The following SMARCA5 variants were observed in gnomAD, a reference collection of about 807,000 sequenced individuals.
The protein encoded by SMARCA5 is SNF2 related chromatin remodeling ATPase 5.
SMARCA5 carries 18 observed loss-of-function variants against 140.4 expected under a neutral mutation model. The observed-to-expected ratio is 0.13, with a 90% CI of 0.09 to 0.19. The LOEUF (loss-of-function observed/expected upper bound fraction) is 0.19, where lower values mean the gene tolerates loss of function less well. Among genes scored for constraint, SMARCA5 ranks in the 10% least tolerant of loss-of-function variants. The pLI is 1.00. For missense variants in SMARCA5, 606 were observed against 1,276.8 expected (o/e 0.47, Z 8.01); for synonymous variants, 449 against 419.6 (o/e 1.07, Z -0.86).
At chr4:143,538,472 C>A in intron 11 of SMARCA5, 118 bp from the exon 12 acceptor site, 1 of 787,624 alleles carries the variant, frequency 1.3e-6, no homozygotes, top group Non-Finnish European at 2.0e-6. Flanking sequence ...TTTTTTCCCC[C>A]TTGTAACCAA....
chr4:143,519,859 T>G (rs371360804), intron 2 of SMARCA5, among the ~76,000 whole-genome samples: 20 of 152,268 alleles, frequency 1.3e-4, no homozygotes, highest in African/African-American at 2.4e-4. Context: ...TGATCAGTCT[T>G]TCTTCTCCAT....
chr4:143,536,881 A>G (rs2149822026), intron 11 of SMARCA5, among the ~76,000 whole-genome samples: 1 of 152,266 alleles, frequency 6.6e-6, no homozygotes, highest in South Asian at 2.1e-4. Flanking sequence ...CAATAGTTAG[A>G]GCAACCATAC....
At chr4:143,532,542 T>G (rs1166381128) in intron 9 of SMARCA5, among the ~76,000 whole-genome samples, 1 of 152,202 alleles carries the variant, frequency 6.6e-6, no homozygotes, top group East Asian at 1.9e-4. Context: ...TGCTCTTTAC[T>G]TTGAAGTTTC....
chr4:143,549,952 A>G (rs1460556011), intron 22 of SMARCA5, 45 bp from the exon 23 acceptor site: 4 of 1,078,148 alleles, frequency 3.7e-6, no homozygotes, highest in African/African-American at 1.6e-5. Flanking sequence ...AAATCATGAA[A>G]CTTGTGGATG....
intron 2 of SMARCA5, among the ~76,000 whole-genome samples, chr4:143,519,735 A>G (rs1341652130): frequency 3.9e-5 from 6 of 152,142 alleles, no homozygotes; most frequent in Admixed American, 1.3e-4. Context: ...TACTTCAGAA[A>G]ACTAAATACT....
chr4:143,531,236 GTA>G (rs1245902443), intron 9 of SMARCA5, among the ~76,000 whole-genome samples: 4 of 152,182 alleles, frequency 2.6e-5, no homozygotes, highest in African/African-American at 9.7e-5. Context: ...GCTACATTGT[GTA>G]TAAACAACTG....
At position 143,517,337 on chromosome 4, in the gene SMARCA5, A is replaced by T. The variant is rs776726263; in HGVS notation, c.178-18A>T. 20 of 1,584,356 alleles carry T rather than the reference A, an allele frequency of 1.3e-5. No individual in the cohort carries two copies. The Admixed American group carries it at 3.3e-4, about 26-fold the overall frequency. On this transcript the variant is annotated intron_variant, in intron 1 of 23. Transcript: ENST00000283131. ...TATTTTCGAAGACCAATTCTATTTA[A>T]TTATTTCTTTCTACCAGGAAATATT...
intron 3 of SMARCA5, among the ~76,000 whole-genome samples, chr4:143,523,896 G>C (rs1737016120): frequency 6.6e-6 from 1 of 152,158 alleles, no homozygotes; most frequent in African/African-American, 2.4e-5. Flanking sequence ...ATTCTCTTAG[G>C]ATGTAGAATT....
intron 23 of SMARCA5, among the ~76,000 whole-genome samples, chr4:143,552,425 T>A (rs1157907003): frequency 6.6e-6 from 1 of 152,006 alleles, no homozygotes; most frequent in Non-Finnish European, 1.5e-5. Flanking sequence ...TTCCTTGAAA[T>A]ACTTAAAAAG....
intron 9 of SMARCA5, among the ~76,000 whole-genome samples, chr4:143,531,310 A>G (rs28609218): frequency 0.23 from 34,283 of 152,206 alleles, 4,266 homozygotes; most frequent in East Asian, 0.6. Flanking sequence ...TTGTTTCTAC[A>G]TACAGCTTCC....
At chr4:143,539,467 C>G (rs746551884) in intron 13 of SMARCA5, among the ~76,000 whole-genome samples, 1 of 151,776 alleles carries the variant, frequency 6.6e-6, no homozygotes, top group Non-Finnish European at 1.5e-5. Context: ...AGAATTGATA[C>G]TGCAGATTGG....
chr4:143,520,140 A>G (rs1261911495), intron 2 of SMARCA5, among the ~76,000 whole-genome samples: 2 of 151,930 alleles, frequency 1.3e-5, no homozygotes, highest in African/African-American at 2.4e-5. Context: ...TAACCTTTTC[A>G]TTCTTTCAAG....
Position 143,555,277 on chromosome 4 carries a change from A to G in SMARCA5, c.*2093A>G. The G allele has an allele frequency of 1.2e-6, 1 of 826,966 alleles. No homozygotes were observed. 51.2% of individuals were successfully genotyped at this position (826,966 alleles called of 1,614,324 possible). ...CAAAATTTGAAGACTGATTGTTGTC[A>G]TTGCCAAAATCATTGTAGCTTTTAC... On this transcript the variant is annotated 3_prime_UTR_variant, in exon 24 of 24. Coordinates refer to ENST00000283131, the MANE Select transcript of SMARCA5 (RefSeq NM_003601.4).
chr4:143,547,319 C>T, intron 20 of SMARCA5, 66 bp from the exon 21 acceptor site: 1 of 832,486 alleles, frequency 1.2e-6, no homozygotes, highest in Admixed American at 2.1e-5. Context: ...TCCAGTTGAT[C>T]CCATTTTTTT....
chr4:143,541,840 G>GTT (rs1737432703), intron 14 of SMARCA5, among the ~76,000 whole-genome samples: 1 of 151,506 alleles, frequency 6.6e-6, no homozygotes, highest in South Asian at 2.1e-4. Flanking sequence ...CTTGTTCTCA[G>GTT]TTATTTTCAT....
rs976967722 is a variant in SMARCA5 at position 143,554,918 on chromosome 4, A to G, written c.*1734A>G. 1.1e-5 allele frequency: 4 copies of G among 353,796 alleles called. No individual in the cohort carries two copies. Among genetic ancestry groups the G allele is most frequent in the Admixed American group, 1.1e-4 (3 of 26,918 alleles). 21.9% of individuals were successfully genotyped at this position (353,796 alleles called of 1,614,324 possible). On this transcript the variant is annotated 3_prime_UTR_variant, in exon 24 of 24. Transcript: ENST00000283131. ...GTAGCCCTGAGAGCTTAGGGACTCA[A>G]ATGGAAACTGTGTGAAGGGAAACTC...
intron 13 of SMARCA5, 44 bp downstream of exon 13, chr4:143,538,982 G>A (rs368336501): frequency 8.4e-6 from 13 of 1,546,946 alleles, no homozygotes; most frequent in South Asian, 5.7e-5. Flanking sequence ...AGTAGATGGC[G>A]TTAGTTAGGA....
At chr4:143,517,185 A>G (rs558920615) in intron 1 of SMARCA5, among the ~76,000 whole-genome samples, 170 bp from the exon 2 acceptor site, 2 of 152,308 alleles carry the variant, frequency 1.3e-5, no homozygotes, top group African/African-American at 4.8e-5. Flanking sequence ...CATAGTATCT[A>G]ATATCATTTT....
intron 11 of SMARCA5, 56 bp from the exon 12 acceptor site, chr4:143,538,534 C>CT: frequency 6.6e-7 from 1 of 1,518,198 alleles, no homozygotes; most frequent in Non-Finnish European, 9.1e-7. Flanking sequence ...TTTGGTTACC[C>CT]TTAAATTTTT....
Sources: allele counts gnomAD v4.1 joint callset (sites outside exome capture counted in the v4.1 genomes callset), GRCh38; gene constraint gnomAD v4.1.1; transcripts MANE v1.5; gene names NCBI Gene and HGNC (gene_info 2026-07-23, HGNC 2026-07-21).